Variants in FAM53B observed in about 807,000 individuals in gnomAD.
FAM53B encodes the protein family with sequence similarity 53 member B, also known as protein FAM53B.
In FAM53B, 12 loss-of-function variants were observed where a neutral mutation model predicts 32.7. The observed-to-expected ratio is 0.37, with a 90% CI of 0.24 to 0.59. The LOEUF is 0.59. Among genes scored for constraint, FAM53B ranks in the 20% least tolerant of loss-of-function variants. FAM53B has a pLI of 0.72. For synonymous variants in FAM53B, 234 were observed against 228.7 expected, an observed-to-expected ratio of 1.02 and a Z score of -0.21; for missense variants, 477 against 577.7, an observed-to-expected ratio of 0.83 and a Z score of 1.79.
chr10:124,640,517 A>G (rs773591028), intron 4 of FAM53B, among the ~76,000 whole-genome samples: 3 of 152,334 alleles, frequency 2.0e-5, no homozygotes, highest in African/African-American at 4.8e-5. Context: ...GATGCCATGA[A>G]TCCCACCAGT....
chr10:124,650,666 G>A (rs1024242764), intron 4 of FAM53B, among the ~76,000 whole-genome samples: 1 of 152,120 alleles, frequency 6.6e-6, no homozygotes. Flanking sequence ...CTCCAGAGGC[G>A]CTGTTTTCTT....
chr10:124,739,657 T>A (rs1348750768), intron 1 of FAM53B, among the ~76,000 whole-genome samples: 2 of 152,014 alleles, frequency 1.3e-5, no homozygotes, highest in Non-Finnish European at 2.9e-5. Flanking sequence ...CAAGAGGCAA[T>A]GTGGTCTCCA....
chr10:124,711,007 C>A (rs1195535939), intron 1 of FAM53B, among the ~76,000 whole-genome samples: 1 of 152,174 alleles, frequency 6.6e-6, no homozygotes, highest in Admixed American at 6.5e-5. Context: ...TGTTCACACA[C>A]AAATGTTTGT....
intron 3 of FAM53B, among the ~76,000 whole-genome samples, chr10:124,691,030 G>C (rs909001529): frequency 2.6e-5 from 4 of 152,130 alleles, no homozygotes; most frequent in Non-Finnish European, 5.9e-5. Flanking sequence ...TTTGTTCTAA[G>C]AATCAAAAGC....
chr10:124,735,314 C>A (rs1950167003), intron 1 of FAM53B, among the ~76,000 whole-genome samples: 1 of 152,096 alleles, frequency 6.6e-6, no homozygotes, highest in Non-Finnish European at 1.5e-5. Context: ...ACATCATGAC[C>A]CATACATGCA....
At chr10:124,631,639 TTCCCA>T (rs1680089096) in intron 4 of FAM53B, among the ~76,000 whole-genome samples, 1 of 152,204 alleles carries the variant, frequency 6.6e-6, no homozygotes, top group African/African-American at 2.4e-5. Context: ...GGGCTGGCCT[TTCCCA>T]AGGCCCCTCT....
chr10:124,728,223 A>C (rs2134099889), intron 1 of FAM53B, among the ~76,000 whole-genome samples: 1 of 152,352 alleles, frequency 6.6e-6, no homozygotes, highest in East Asian at 1.9e-4. Flanking sequence ...TTCCATGCAC[A>C]ACAAAGCAGA....
At chr10:124,657,830 G>A (rs1949603462) in intron 4 of FAM53B, among the ~76,000 whole-genome samples, 1 of 152,164 alleles carries the variant, frequency 6.6e-6, no homozygotes, top group Admixed American at 6.5e-5. Flanking sequence ...CAGGATCAGA[G>A]AAATCCAATG....
chr10:124,711,188 C>T (rs980250577), intron 1 of FAM53B, among the ~76,000 whole-genome samples: 1 of 152,288 alleles, frequency 6.6e-6, no homozygotes, highest in Middle Eastern at 3.4e-3. Context: ...CCTCCAGAGA[C>T]TCATGCAGAG....
At position 124,651,312 on chromosome 10, in the gene FAM53B, A is replaced by C. The variant is rs1020154951; in HGVS notation, c.907-27708T>G. On this transcript the variant is annotated intron_variant, in intron 4 of 4. Transcript: ENST00000337318. The surrounding 1 kb of genome is among the most constrained non-coding windows in gnomAD (Gnocchi z 5.2). ...TCCCTCGTGTTCCATTTCCCTCTGC[A>C]CCTTCCCAAAGGTGCAGAAGGAGGC... Among the ~76,000 whole-genome samples the C allele has an allele frequency of 6.6e-6, 1 of 152,084 alleles. No homozygotes were observed. The highest frequency in any genetic ancestry group is 1.5e-5 in the Non-Finnish European group (1 of 68,006).
intron 3 of FAM53B, among the ~76,000 whole-genome samples, chr10:124,693,528 T>G (rs1436126519): frequency 1.4e-5 from 2 of 146,160 alleles, no homozygotes. Flanking sequence ...CTGGGTGGAG[T>G]GCACTCCCAG....
At chr10:124,627,448 A>T (rs987986734) in intron 4 of FAM53B, among the ~76,000 whole-genome samples, 2 of 152,246 alleles carry the variant, frequency 1.3e-5, no homozygotes, top group African/African-American at 4.8e-5. Flanking sequence ...TGCTGCATGA[A>T]CACATTATTC....
intron 4 of FAM53B, among the ~76,000 whole-genome samples, chr10:124,648,565 T>C (rs749680633): frequency 6.6e-6 from 1 of 152,254 alleles, no homozygotes; most frequent in Non-Finnish European, 1.5e-5. Flanking sequence ...ATAATTGCCA[T>C]GGGGCTTCAC....
At chr10:124,723,672 G>A (rs1416217886) in intron 1 of FAM53B, among the ~76,000 whole-genome samples, 2 of 152,318 alleles carry the variant, frequency 1.3e-5, no homozygotes, top group South Asian at 2.1e-4. Flanking sequence ...GCTGCAGTCA[G>A]GGCCTGATGT....
intron 1 of FAM53B, among the ~76,000 whole-genome samples, chr10:124,725,380 A>T (rs949597937): frequency 9.2e-5 from 14 of 152,050 alleles, no homozygotes; most frequent in African/African-American, 3.4e-4. Context: ...GAAAGGGTAC[A>T]GCAGTTGATT....
intron 3 of FAM53B, among the ~76,000 whole-genome samples, chr10:124,685,829 AG>A (rs1426321541): frequency 1.2e-4 from 18 of 152,140 alleles, no homozygotes; most frequent in African/African-American, 4.3e-4. Flanking sequence ...GGGACCCCTC[AG>A]GGCCTCCCTA....
At position 124,620,706 on chromosome 10, in the gene FAM53B, G is replaced by C. The variant is rs1949304651; in HGVS notation, c.*2536C>G. 6.6e-6 allele frequency: 1 copy of C among 152,420 alleles called. No homozygotes were observed. The highest frequency in any genetic ancestry group is 2.1e-4 in the South Asian group (1 of 4,834). The allele number at this position is 152,420 out of a possible 1,614,324, so 9.4% of individuals were successfully genotyped here. A position where few individuals can be genotyped will look rare whatever the true frequency, so the allele number is the denominator to read the frequency against. On this transcript the variant is annotated 3_prime_UTR_variant, in exon 5 of 5. Coordinates refer to ENST00000337318, the MANE Select transcript of FAM53B (RefSeq NM_014661.4). ...CGGGCAGTGTGGCAGCTTGGATGATGGGGTGGCACCTTATAGATAGGGTCT... is the reference window on the plus strand; with the variant it reads ...CGGGCAGTGTGGCAGCTTGGATGATCGGGTGGCACCTTATAGATAGGGTCT...
At chr10:124,726,590 A>G (rs576545921) in intron 1 of FAM53B, among the ~76,000 whole-genome samples, 1 of 152,370 alleles carries the variant, frequency 6.6e-6, no homozygotes, top group African/African-American at 2.4e-5. Context: ...TTGGAATGAC[A>G]CTAAGAATCC....
intron 4 of FAM53B, among the ~76,000 whole-genome samples, chr10:124,662,720 A>G (rs576737910): frequency 4.6e-5 from 7 of 152,324 alleles, no homozygotes; most frequent in African/African-American, 1.4e-4. Context: ...GCTACTTGGG[A>G]GGCTGAGGTG....
Sources: allele counts gnomAD v4.1 joint callset (sites outside exome capture counted in the v4.1 genomes callset), GRCh38; gene constraint gnomAD v4.1.1; non-coding constraint Gnocchi (gnomAD v3.1); transcripts MANE v1.5; gene names NCBI Gene and HGNC (gene_info 2026-07-23, HGNC 2026-07-21).